CCDC40: variants seen among roughly 807,000 people sequenced by gnomAD.
CCDC40 encodes the protein coiled-coil domain 40 molecular ruler complex subunit, also known as coiled-coil domain-containing protein 40.
CCDC40 carries 104 observed loss-of-function variants against 124.5 expected under a neutral mutation model. The ratio of observed to expected loss-of-function variants is 0.84; its 90% CI spans 0.71 to 0.98. The LOEUF is 0.98. Among genes scored for constraint, CCDC40 ranks in the 50% least tolerant of loss-of-function variants. CCDC40 has a pLI of 0.00. For missense variants in CCDC40, 1,463 were observed against 1,503.9 expected, an observed-to-expected ratio of 0.97 and a Z score of 0.45; for synonymous variants, 580 against 602.9, an observed-to-expected ratio of 0.96 and a Z score of 0.56.
chr17:80,069,088 A>ACC (rs923988013), intron 10 of CCDC40, among the ~76,000 whole-genome samples: 3 of 149,890 alleles, frequency 2.0e-5, no homozygotes, highest in South Asian at 2.1e-4. Context: ...CCCTCCTGAC[A>ACC]CCCATGGCAT....
At chr17:80,047,046 A>G (rs1196033594) in intron 3 of CCDC40, among the ~76,000 whole-genome samples, 1 of 152,230 alleles carries the variant, frequency 6.6e-6, no homozygotes, top group East Asian at 1.9e-4. Flanking sequence ...GGGTTTCGCC[A>G]TGTTGGCCAG....
intron 19 of CCDC40, 66 bp from the exon 20 acceptor site, chr17:80,099,461 G>T (rs1161904540): frequency 4.5e-6 from 7 of 1,570,732 alleles, no homozygotes; most frequent in South Asian, 1.1e-5. Flanking sequence ...CTGAGTTTGT[G>T]GGGGGCCAGC....
chr17:80,040,128 G>A lies in CCDC40; in HGVS notation c.410G>A (p.Gly137Asp). The change falls in exon 3 of 20, where the codon GGT becomes GAT. Residue 137 changes from glycine (G) to aspartate (D), a missense_variant. By Grantham distance (94) the Gly-to-Asp change is moderately conservative. Coordinates refer to ENST00000397545, the MANE Select transcript of CCDC40 (RefSeq NM_017950.4). ...EAYDSVSGEA[G>D]LQGFQQEATG... ...TACGATAGTGTTAGCGGGGAGGCTG[G>A]TCTCCAAGGCTTCCAGCAAGAGGCC... is the stretch of plus-strand genomic sequence containing the variant. 1 of 1,614,126 alleles carries A rather than the reference G, an allele frequency of 6.2e-7. No individual in the cohort carries two copies. The highest frequency in any genetic ancestry group is 2.2e-5 in the East Asian group (1 of 44,882).
chr17:80,093,232 G>A (rs999956858), intron 17 of CCDC40, among the ~76,000 whole-genome samples: 1 of 152,162 alleles, frequency 6.6e-6, no homozygotes, highest in Non-Finnish European at 1.5e-5. Context: ...AGACTGGAGT[G>A]CAGTGGCACT....
chr17:80,043,108 C>G (rs1045814092), intron 3 of CCDC40, among the ~76,000 whole-genome samples: 2 of 152,102 alleles, frequency 1.3e-5, no homozygotes, highest in Non-Finnish European at 2.9e-5. Flanking sequence ...ACTCAGGGCT[C>G]TCCATGTGAT....
chr17:80,078,107 G>A (rs1390991849), intron 10 of CCDC40, among the ~76,000 whole-genome samples: 4 of 151,994 alleles, frequency 2.6e-5, no homozygotes, highest in Non-Finnish European at 5.9e-5. Flanking sequence ...CAAGGTGGGC[G>A]GATCACGAGG....
At chr17:80,046,027 T>G (rs923896715) in intron 3 of CCDC40, among the ~76,000 whole-genome samples, 1 of 152,136 alleles carries the variant, frequency 6.6e-6, no homozygotes, top group Non-Finnish European at 1.5e-5. Flanking sequence ...AAACATAATT[T>G]ACTATGACAC....
chr17:80,075,228 G>A (rs1291370074), intron 10 of CCDC40, among the ~76,000 whole-genome samples: 1 of 145,820 alleles, frequency 6.9e-6, no homozygotes, highest in Admixed American at 6.7e-5. Flanking sequence ...GCCTCCCAAA[G>A]TGCTGGGATT....
rs765976507 is a variant in CCDC40, at chr17:80,084,791, G to C, written c.2038G>C (p.Asp680His). The C allele has an allele frequency of 5.0e-6, 8 of 1,614,100 alleles. No homozygotes were observed. The East Asian group carries it at 1.6e-4, about 31-fold the overall frequency. ...CGGTGACATTGCCCAGACCACCCTG[G>C]ACATCACACACACCAGCAGCAGGCT... is the stretch of plus-strand genomic sequence containing the variant. ...INGDIAQTTLDITHTSSRLDA... is the reference protein window; with the variant it reads ...INGDIAQTTLHITHTSSRLDA... Residue 680 changes from aspartate to histidine, a missense_variant, in exon 13 of 20, where the codon GAC becomes CAC. Asp to His is a moderately conservative substitution (Grantham distance 81, BLOSUM62 -1). Coordinates refer to ENST00000397545, the MANE Select transcript of CCDC40 (RefSeq NM_017950.4).
At chr17:80,046,960 C>G (rs2037435460) in intron 3 of CCDC40, among the ~76,000 whole-genome samples, 1 of 152,194 alleles carries the variant, frequency 6.6e-6, no homozygotes, top group Non-Finnish European at 1.5e-5. Context: ...ATTCTCCCTC[C>G]TCAGCCTCCC....
chr17:80,057,038 C>CA (rs34229653), intron 7 of CCDC40, among the ~76,000 whole-genome samples: 12,086 of 109,916 alleles, frequency 0.11, 643 homozygotes, highest in Middle Eastern at 0.16. Context: ...GACTCTGTCT[C>CA]AAAAAAAAAA....
chr17:80,098,530 G>A (rs1266219462), intron 19 of CCDC40, among the ~76,000 whole-genome samples: 1 of 152,256 alleles, frequency 6.6e-6, no homozygotes, highest in Admixed American at 6.5e-5. Context: ...CTGCTGGGTT[G>A]GCTGTGGTGT....
At chr17:80,089,550 T>TCCCCCCCCCCCC in intron 16 of CCDC40, 2 of 305,586 alleles carry the variant, frequency 6.5e-6, no homozygotes, top group Non-Finnish European at 1.3e-5. Context: ...CACCCCCATC[T>TCCCCCCCCCCCC]CCCTCCCTCC....
At chr17:80,057,572 C>G (rs1349857404) in intron 7 of CCDC40, among the ~76,000 whole-genome samples, 1 of 152,094 alleles carries the variant, frequency 6.6e-6, no homozygotes, top group African/African-American at 2.4e-5. Context: ...AATTTGCACT[C>G]CAGCTTTAGA....
chr17:80,073,633 A>G (rs986560446), intron 10 of CCDC40, among the ~76,000 whole-genome samples: 1 of 152,188 alleles, frequency 6.6e-6, no homozygotes, highest in Non-Finnish European at 1.5e-5. Flanking sequence ...AACAGTATTG[A>G]AATTAGGCCT....
intron 10 of CCDC40, among the ~76,000 whole-genome samples, chr17:80,069,266 G>A (rs181886608): frequency 0.015 from 2,231 of 152,224 alleles, 54 homozygotes; most frequent in African/African-American, 0.051. Flanking sequence ...TGCGTGGGGG[G>A]GGCGGTAACC....
At chr17:80,051,966 C>A (rs997102748) in intron 7 of CCDC40, among the ~76,000 whole-genome samples, 4 of 151,852 alleles carry the variant, frequency 2.6e-5, no homozygotes, top group Non-Finnish European at 5.9e-5. Flanking sequence ...CGAGGCTCTT[C>A]AACCCAGCAA....
intron 17 of CCDC40, among the ~76,000 whole-genome samples, chr17:80,092,324 C>T (rs764046470): frequency 1.3e-5 from 2 of 152,182 alleles, no homozygotes; most frequent in Non-Finnish European, 2.9e-5. Flanking sequence ...GTGTGAGCCA[C>T]TGTGCCCAGC....
chr17:80,052,509 TC>T (rs1207289222), intron 7 of CCDC40, among the ~76,000 whole-genome samples: 2 of 152,158 alleles, frequency 1.3e-5, no homozygotes, highest in African/African-American at 4.8e-5. Flanking sequence ...GGCAACACCC[TC>T]ACAGACACAC....
Sources: allele counts gnomAD v4.1 joint callset (sites outside exome capture counted in the v4.1 genomes callset), GRCh38; gene constraint gnomAD v4.1.1; transcripts MANE v1.5; gene names NCBI Gene and HGNC (gene_info 2026-07-23, HGNC 2026-07-21).